Variants in SLC25A48 observed in about 807,000 individuals in gnomAD.
SLC25A48 encodes CTC-321K16.1.
A neutral mutation model predicts 32.2 loss-of-function variants in SLC25A48; 29 were observed. The observed-to-expected ratio is 0.90, with a 90% confidence interval of 0.67 to 1.23. SLC25A48 has a LOEUF of 1.23. Among genes scored for constraint, SLC25A48 ranks in the 50% most tolerant of loss-of-function variants. The probability of loss-of-function intolerance (pLI) is 0.00; values close to 1 mark genes in which losing one functional copy is unlikely to be tolerated. For synonymous variants in SLC25A48, 164 were observed against 172.3 expected (o/e 0.95, Z 0.38); for missense variants, 399 against 422.7 (o/e 0.94, Z 0.49).
At chr5:135,834,947 T>C in intron 1 of SLC25A48, 54 bp downstream of exon 1, 1 of 1,562,968 alleles carries the variant, frequency 6.4e-7, no homozygotes, top group Non-Finnish European at 8.7e-7. Context: ...TGGCGGAGTT[T>C]GCCTCTATGC....
At chr5:135,819,990 A>G (rs1757838797) in intron 4 of SLC25A48, among the ~76,000 whole-genome samples, 1 of 152,192 alleles carries the variant, frequency 6.6e-6, no homozygotes, top group Non-Finnish European at 1.5e-5. Context: ...ATCATTTTAT[A>G]TTCCATAAAA....
intron 3 of SLC25A48, among the ~76,000 whole-genome samples, chr5:135,692,560 T>A (rs1275748434): frequency 2.6e-5 from 4 of 152,198 alleles, no homozygotes; most frequent in Admixed American, 1.3e-4. Flanking sequence ...GTTCAAGAAT[T>A]TGATCTCACT....
chr5:135,596,949 G>T (rs570745075), intron 1 of SLC25A48, among the ~76,000 whole-genome samples: 1 of 152,182 alleles, frequency 6.6e-6, no homozygotes, highest in East Asian at 1.9e-4. Context: ...TGTGACCTTG[G>T]GTGAGAGATG....
intron 1 of SLC25A48, among the ~76,000 whole-genome samples, chr5:135,592,510 G>C (rs1191863309): frequency 6.6e-6 from 1 of 152,202 alleles, no homozygotes; most frequent in Non-Finnish European, 1.5e-5. Context: ...CCATTATAGA[G>C]AAGGGCGTGT....
Position 135,667,311 on chromosome 5 carries a change from A to C in SLC25A48, c.-521+32355A>C, listed in dbSNP as rs138152022. ...GAGTTGGAGTTAGGCCATTCTAAAAAGGATTGCCTGCGTGTCCTGCAAACT... is the reference window on the plus strand; with the variant it reads ...GAGTTGGAGTTAGGCCATTCTAAAACGGATTGCCTGCGTGTCCTGCAAACT... On this transcript the variant is annotated intron_variant, in intron 3 of 10. Transcript: ENST00000646290. Among the ~76,000 whole-genome samples, 4 of 152,356 alleles carry C rather than the reference A, an allele frequency of 2.6e-5. No individual in the cohort carries two copies. The East Asian group carries it at 7.7e-4, about 29-fold the overall frequency.
At position 135,781,270 on chromosome 5, in the gene SLC25A48, A is replaced by G. The variant is rs1320152081; in HGVS notation, c.-520-31253A>G. Among the ~76,000 whole-genome samples the G allele has an allele frequency of 1.7e-5, 2 of 115,982 alleles. 1 individual carries two copies. The highest frequency in any genetic ancestry group is 4.3e-5 in the Non-Finnish European group (2 of 47,000). 76.1% of individuals were successfully genotyped at this position (115,982 alleles called of 152,430 possible). On this transcript the variant is annotated intron_variant, in intron 3 of 10. Coordinates refer to the SLC25A48 transcript ENST00000646290. ...GGGAGTGGGTGATATTACTCCCCATATTGCAGAAAGTGTACTCCCCACTGT... is the reference window on the plus strand; with the variant it reads ...GGGAGTGGGTGATATTACTCCCCATGTTGCAGAAAGTGTACTCCCCACTGT...
intron 3 of SLC25A48, among the ~76,000 whole-genome samples, chr5:135,757,615 TTAA>T (rs1183024585): frequency 1.3e-5 from 2 of 149,578 alleles, no homozygotes; most frequent in Admixed American, 6.7e-5. Context: ...CTAGATGATA[TTAA>T]TAAAATATCT....
intron 4 of SLC25A48, among the ~76,000 whole-genome samples, chr5:135,828,801 A>G (rs1263767207): frequency 6.6e-6 from 1 of 152,194 alleles, no homozygotes; most frequent in Admixed American, 6.5e-5. Flanking sequence ...GGTCCTCAGG[A>G]GCCAAACTCC....
At chr5:135,720,636 C>T (rs2126982254) in intron 3 of SLC25A48, among the ~76,000 whole-genome samples, 1 of 152,344 alleles carries the variant, frequency 6.6e-6, no homozygotes, top group Admixed American at 6.5e-5. Context: ...CTGCCCCATG[C>T]ATAGCCCAGC....
chr5:135,677,856 C>A (rs77787485), intron 3 of SLC25A48, among the ~76,000 whole-genome samples: 2,554 of 152,280 alleles, frequency 0.017, 31 homozygotes, highest in Middle Eastern at 0.044. Flanking sequence ...TCTTTCCTCA[C>A]CTGTAAGGTT....
chr5:135,699,959 T>C (rs572056564), intron 3 of SLC25A48, among the ~76,000 whole-genome samples: 6 of 152,336 alleles, frequency 3.9e-5, no homozygotes, highest in Admixed American at 3.9e-4. Flanking sequence ...ACAAAGCCAC[T>C]GAATGGTGGA....
chr5:135,686,946 GTT>G (rs541107047), intron 3 of SLC25A48, among the ~76,000 whole-genome samples: 1 of 145,506 alleles, frequency 6.9e-6, no homozygotes. Context: ...GGAAAGGGTT[GTT>G]TTTTTTTTTT....
intron 4 of SLC25A48, among the ~76,000 whole-genome samples, chr5:135,864,302 T>A (rs545753298): frequency 3.3e-5 from 5 of 152,330 alleles, no homozygotes; most frequent in African/African-American, 1.2e-4. Context: ...TTTAGCAATA[T>A]TTTATTGCTA....
At chr5:135,759,282 T>C (rs547022586) in intron 3 of SLC25A48, among the ~76,000 whole-genome samples, 2 of 152,294 alleles carry the variant, frequency 1.3e-5, no homozygotes, top group African/African-American at 4.8e-5. Flanking sequence ...ACATAACAAA[T>C]GCTCTTGGAG....
At chr5:135,604,089 C>T (rs538314014) in intron 1 of SLC25A48, among the ~76,000 whole-genome samples, 2 of 152,304 alleles carry the variant, frequency 1.3e-5, no homozygotes, top group South Asian at 4.1e-4. Flanking sequence ...AGTAACTCTG[C>T]GTGGTGGGTT....
chr5:135,873,878 A>G (rs1402353896), intron 5 of SLC25A48, 143 bp from the exon 6 acceptor site: 1 of 918,026 alleles, frequency 1.1e-6, no homozygotes, highest in African/African-American at 1.7e-5. Context: ...GGAGAATCAG[A>G]AACAAACTTT....
In SLC25A48 at chr5:135,888,169, G is replaced by C; in HGVS notation, c.*145G>C. 1 of 1,366,030 alleles carries C rather than the reference G, an allele frequency of 7.3e-7. No homozygotes were observed. The highest frequency in any genetic ancestry group is 1.0e-6 in the Non-Finnish European group (1 of 987,434). 84.6% of individuals were successfully genotyped at this position (1,366,030 alleles called of 1,614,324 possible). A position where few individuals can be genotyped will look rare whatever the true frequency, so the allele number is the denominator to read the frequency against. Reference sequence around the variant, plus strand: ...CGTGGGCTAGGATGGTGCAGACACTGACGTGGCCCTTCTGATGCCTGGGAT... The same window carrying C: ...CGTGGGCTAGGATGGTGCAGACACTCACGTGGCCCTTCTGATGCCTGGGAT... On this transcript the variant is annotated 3_prime_UTR_variant, in exon 8 of 8. Coordinates refer to ENST00000681962, the MANE Select transcript of SLC25A48 (RefSeq NM_001349336.2).
intron 3 of SLC25A48, among the ~76,000 whole-genome samples, chr5:135,685,105 TA>T (rs1276667701): frequency 6.6e-6 from 1 of 152,204 alleles, no homozygotes; most frequent in Admixed American, 6.5e-5. Flanking sequence ...TCTGAAAGGT[TA>T]AAAATGGTAT....
At chr5:135,851,125 G>T (rs1003851208) in intron 3 of SLC25A48, among the ~76,000 whole-genome samples, 2 of 152,130 alleles carry the variant, frequency 1.3e-5, no homozygotes, top group Non-Finnish European at 2.9e-5. Context: ...GAACCCTGTC[G>T]CAGCCCTCTG....
Sources: gnomAD v4.1 joint callset for allele counts (sites outside exome capture counted in the v4.1 genomes callset) on GRCh38, gnomAD v4.1.1 for gene constraint, MANE v1.5 for transcripts, NCBI Gene and HGNC (gene_info 2026-07-23, HGNC 2026-07-21) for gene names.